Variants in TFB1M observed in about 807,000 individuals in gnomAD.
The protein encoded by TFB1M is dimethyladenosine transferase 1, mitochondrial.
TFB1M carries 27 observed loss-of-function variants against 31.1 expected under a neutral mutation model. The observed-to-expected ratio is 0.87, with a 90% CI of 0.64 to 1.20. TFB1M has a LOEUF of 1.20. Ranked by LOEUF, TFB1M falls within the 50% of genes most tolerant of loss-of-function variation. The pLI, the probability that TFB1M is intolerant of heterozygous loss-of-function variation, is 0.00. For missense variants in TFB1M, 394 were observed against 418.7 expected (o/e 0.94, Z 0.51); for synonymous variants, 166 against 151.8 (o/e 1.09, Z -0.69).
the TFB1M span, chr6:155,247,855 G>C: frequency 1.7e-5 from 18 of 1,038,046 alleles, no homozygotes; most frequent in African/African-American, 2.1e-4. Flanking sequence ...CTGGGTGCCT[G>C]ACCCACTGAT....
rs111552912 is a variant in TFB1M at position 155,258,228 on chromosome 6, T to C, written c.795-146A>G. 5.1e-5 allele frequency: 51 copies of C among 1,006,804 alleles called. No individual in the cohort carries two copies. In the East Asian group the frequency reaches 8.8e-4, roughly 17 times the overall value. The allele number at this position is 1,006,804 out of a possible 1,614,324, so 62.4% of individuals were successfully genotyped here. On this transcript the variant is annotated intron_variant, in intron 6 of 6. Transcript: ENST00000367166. ...AGAGTGGCAGGAGCCTCTTGGATTATATAGCACCAGATAAGAGGCACGGCC... is the reference window on the plus strand; with the variant it reads ...AGAGTGGCAGGAGCCTCTTGGATTACATAGCACCAGATAAGAGGCACGGCC...
chr6:155,267,831 GA>G (rs1256497521), intron 5 of TFB1M, among the ~76,000 whole-genome samples: 2 of 152,208 alleles, frequency 1.3e-5, no homozygotes, highest in African/African-American at 4.8e-5. Flanking sequence ...CAGAAAAACA[GA>G]ATGAGCTGGA....
chr6:155,247,848 G>C, the TFB1M span: 8 of 951,604 alleles, frequency 8.4e-6, no homozygotes, highest in African/African-American at 1.1e-4. Context: ...CTGACAGCTG[G>C]GTGCCTGACC....
intron 4 of TFB1M, among the ~76,000 whole-genome samples, chr6:155,291,977 T>C (rs541922898): frequency 7.2e-4 from 109 of 152,336 alleles, no homozygotes; most frequent in African/African-American, 2.5e-3. Context: ...AGTTTTGTTC[T>C]GAAACAAGTA....
intron 5 of TFB1M, among the ~76,000 whole-genome samples, chr6:155,284,513 T>C (rs961030318): frequency 3.9e-5 from 6 of 152,162 alleles, no homozygotes; most frequent in East Asian, 3.9e-4. Flanking sequence ...TCAATATACA[T>C]TCACTGAAGA....
At chr6:155,311,587 T>A (rs527909834) in intron 1 of TFB1M, among the ~76,000 whole-genome samples, 1 of 152,248 alleles carries the variant, frequency 6.6e-6, no homozygotes, top group African/African-American at 2.4e-5. Flanking sequence ...CAAAGTTTCT[T>A]AGCTTAAATT....
At chr6:155,276,598 A>C in intron 5 of TFB1M, 1 of 462,914 alleles carries the variant, frequency 2.2e-6, no homozygotes, top group Non-Finnish European at 3.8e-6. Context: ...TCCATGTTTT[A>C]CTTAAAGATT....
At position 155,257,193 on chromosome 6, in the gene TFB1M, A is replaced by C. The variant is rs1186958210; in HGVS notation, c.*643T>G. 1.3e-6 allele frequency: 1 copy of C among 790,936 alleles called. No homozygotes were observed. The highest frequency in any genetic ancestry group is 1.3e-4 in the East Asian group (1 of 7,552). The allele number at this position is 790,936 out of a possible 1,614,324, so 49.0% of individuals were successfully genotyped here. A position where few individuals can be genotyped will look rare whatever the true frequency, so the allele number is the denominator to read the frequency against. On this transcript the variant is annotated 3_prime_UTR_variant, in exon 7 of 7. Coordinates refer to ENST00000367166, the MANE Select transcript of TFB1M (RefSeq NM_016020.4). ...ACTGGTGGTAAAGTGGAAATTGCAA[A>C]AAAAAAAAAAAAAAAAAACTGTTCA...
the TFB1M span, chr6:155,244,895 T>C: frequency 3.5e-4 from 451 of 1,303,204 alleles, 1 homozygote; most frequent in East Asian, 0.011. Context: ...TATTGACTAT[T>C]TATTGTCCTG....
At chr6:155,233,214 A>G in the TFB1M span, among the ~76,000 whole-genome samples, 1 of 152,228 alleles carries the variant, frequency 6.6e-6, no homozygotes, top group Admixed American at 6.5e-5. Flanking sequence ...AAGATTCCAA[A>G]ACGCACAGGA....
At position 155,257,075 on chromosome 6, in the gene TFB1M, T is replaced by A. The variant is rs1784099023; in HGVS notation, c.*761A>T. The A allele has an allele frequency of 6.2e-7, 1 of 1,613,876 alleles. No homozygotes were observed. The highest frequency in any genetic ancestry group is 1.7e-5 in the Admixed American group (1 of 59,964). ...AGTGTCCAGAGTTTAACATCTGTTG[T>A]CAGTGAGGAGTGTTTTTATGAAACA... On this transcript the variant is annotated 3_prime_UTR_variant, in exon 7 of 7. Coordinates refer to ENST00000367166, the MANE Select transcript of TFB1M (RefSeq NM_016020.4).
At chr6:155,252,774 T>C (rs963151850), downstream of TFB1M, 17 of 589,964 alleles carry the variant, frequency 2.9e-5, no homozygotes, top group Non-Finnish European at 3.9e-5. Flanking sequence ...TTCCCTAGCA[T>C]GTGAGGTCTT....
chr6:155,247,826 C>T, the TFB1M span, among the ~76,000 whole-genome samples: 16 of 152,154 alleles, frequency 1.1e-4, no homozygotes, highest in African/African-American at 3.4e-4. Context: ...GGCTGTGAGG[C>T]GGAATCCCAC....
the TFB1M span, chr6:155,240,633 C>G: frequency 1.2e-6 from 2 of 1,614,042 alleles, no homozygotes; most frequent in Non-Finnish European, 1.7e-6. Context: ...AGGTCTCTGG[C>G]CCGCCACCTG....
intron 5 of TFB1M, among the ~76,000 whole-genome samples, chr6:155,283,561 A>C (rs1776483427): frequency 6.6e-6 from 1 of 152,226 alleles, no homozygotes; most frequent in Non-Finnish European, 1.5e-5. Flanking sequence ...CACTAAATCA[A>C]AGATAAAGTG....
chr6:155,286,789 C>T (rs1352404937), intron 4 of TFB1M, among the ~76,000 whole-genome samples: 1 of 151,386 alleles, frequency 6.6e-6, no homozygotes, highest in Non-Finnish European at 1.5e-5. Context: ...TCAGCCTGGG[C>T]AACAGAGCAA....
downstream of TFB1M, among the ~76,000 whole-genome samples, chr6:155,251,621 A>G (rs1304014895): frequency 6.6e-6 from 1 of 152,186 alleles, no homozygotes; most frequent in African/African-American, 2.4e-5. Context: ...GCTGTATTTC[A>G]AATGTTTTAA....
chr6:155,314,420 G>T lies in TFB1M; in HGVS notation c.9C>A (p.Ala3=), dbSNP rs74588957. The change falls in exon 1 of 7, where the codon GCC becomes GCA. Residue 3 remains alanine, a synonymous_variant. Coordinates refer to ENST00000367166, the MANE Select transcript of TFB1M (RefSeq NM_016020.4). ...GACGGCAAGTGCTGAGTTTTCCGGA[G>T]GCAGCCATGATACGCGGCAAGCACC... MA[A]SGKLSTCRLP... is the part of the protein sequence containing the mutation. The T allele has an allele frequency of 6.2e-7, 1 of 1,614,056 alleles. No individual in the cohort carries two copies. Among genetic ancestry groups the T allele is most frequent in the African/African-American group, 1.3e-5 (1 of 74,950 alleles).
At chr6:155,260,222 C>T (rs1022750769) in intron 6 of TFB1M, 51 bp downstream of exon 6, 1 of 1,605,212 alleles carries the variant, frequency 6.2e-7, no homozygotes, top group African/African-American at 1.3e-5. Flanking sequence ...TTAAAAAGTG[C>T]CTGAGGATTT....
Sources: gnomAD v4.1 joint callset for allele counts (sites outside exome capture counted in the v4.1 genomes callset) on GRCh38, gnomAD v4.1.1 for gene constraint, MANE v1.5 for transcripts, NCBI Gene and HGNC (gene_info 2026-07-23, HGNC 2026-07-21) for gene names.